Variants in GNB4 observed in about 807,000 individuals in gnomAD.
GNB4 encodes guanine nucleotide-binding protein subunit beta-4.
Under a neutral mutation model 45.2 loss-of-function variants are expected in GNB4, and 28 were observed. The observed-to-expected ratio is 0.62, with a 90% confidence interval of 0.46 to 0.85. The LOEUF (loss-of-function observed/expected upper bound fraction) is 0.85. Among genes scored for constraint, GNB4 ranks in the 40% least tolerant of loss-of-function variants. GNB4 has a pLI of 0.00. For synonymous variants in GNB4, 132 were observed against 143.7 expected (o/e 0.92, Z 0.58); for missense variants, 321 against 425.4 (o/e 0.75, Z 2.16).
Position 179,413,741 on chromosome 3 carries a change from A to T in GNB4, c.471T>A (p.Ile157=). ...AAGTTGTATCTCCTGAACTTGTAAC[A>T]ATTTGGCTGTCATCTAAAAAACGAC... The part of the protein sequence containing the change: ...SCCRFLDDSQ[I]VTSSGDTTCA... Residue 157 remains isoleucine, a synonymous_variant, in exon 7 of 10, where the codon ATT becomes ATA. Transcript: ENST00000232564. 1.2e-6 allele frequency: 2 copies of T among 1,614,232 alleles called. No homozygotes were observed. Among genetic ancestry groups the T allele is most frequent in the African/African-American group, 2.7e-5 (2 of 75,060 alleles).
At chr3:179,449,805 A>G (rs1468099319) in intron 1 of GNB4, among the ~76,000 whole-genome samples, 1 of 152,248 alleles carries the variant, frequency 6.6e-6, no homozygotes, top group Non-Finnish European at 1.5e-5. Context: ...AAGAGAAATC[A>G]CACCATCTCA....
chr3:179,525,093 AAAG>A, the GNB4 span, among the ~76,000 whole-genome samples: 2 of 152,124 alleles, frequency 1.3e-5, no homozygotes, highest in African/African-American at 2.4e-5. Context: ...GACAGGAGAG[AAAG>A]AAGAAGGATA....
intron 9 of GNB4, 45 bp downstream of exon 9, chr3:179,405,145 C>G (rs376020563): frequency 8.8e-6 from 13 of 1,478,132 alleles, no homozygotes; most frequent in Non-Finnish European, 1.2e-5. Flanking sequence ...GGAACCTCTT[C>G]ACGCTTCCTG....
the GNB4 span, among the ~76,000 whole-genome samples, chr3:179,503,042 T>C: frequency 6.6e-6 from 1 of 152,196 alleles, no homozygotes; most frequent in Non-Finnish European, 1.5e-5. Flanking sequence ...CTCTGTTGCC[T>C]AGACTGCTCT....
chr3:179,434,706 G>A (rs577478365), intron 1 of GNB4, among the ~76,000 whole-genome samples: 3 of 150,388 alleles, frequency 2.0e-5, no homozygotes, highest in South Asian at 4.2e-4. Flanking sequence ...GGGCAACAGA[G>A]CAAAACTCTG....
Position 179,440,880 on chromosome 3 carries a change from T to TAGAGAGAGAGAGAGAGAGAG in GNB4, c.-43+10446_-43+10465dup, listed in dbSNP as rs141411562. 4.7e-3 allele frequency among the ~76,000 whole-genome samples: 695 copies of TAGAGAGAGAGAGAGAGAGAG among 149,098 alleles called. 7 individuals are homozygous for TAGAGAGAGAGAGAGAGAGAG. The highest frequency in any genetic ancestry group is 0.017 in the African/African-American group (671 of 40,544). On this transcript the variant is annotated intron_variant, in intron 1 of 9. Coordinates refer to ENST00000232564, the MANE Select transcript of GNB4 (RefSeq NM_021629.4). The stretch of plus-strand genomic sequence containing the variant: ...AAAAATTCCTATATATATAGATAGA[T>TAGAGAGAGAGAGAGAGAGAG]AGAGAGAGAGAGAGAGAGAGAGATA...
rs1231962770 is a variant in GNB4, at chr3:179,397,224, A to G, written c.*3989T>C. ...CAAGTATTCAATTGTGTTACAACTT[A>G]GATCTGAGACATTTACATCAAAGCA... On this transcript the variant is annotated 3_prime_UTR_variant, in exon 10 of 10. Transcript: ENST00000232564. 6.6e-6 allele frequency: 1 copy of G among 152,248 alleles called. No individual in the cohort carries two copies. The highest frequency in any genetic ancestry group is 1.5e-5 in the Non-Finnish European group (1 of 68,052). The allele number at this position is 152,248 out of a possible 1,614,324, so 9.4% of individuals were successfully genotyped here.
chr3:179,508,786 G>A, the GNB4 span, among the ~76,000 whole-genome samples: 35 of 151,844 alleles, frequency 2.3e-4, no homozygotes, highest in South Asian at 7.1e-3. Flanking sequence ...GACAAATAGA[G>A]CTGCAAAGAA....
At chr3:179,468,031 T>TTTAAAAA in the GNB4 span, among the ~76,000 whole-genome samples, 4 of 67,314 alleles carry the variant, frequency 5.9e-5, no homozygotes, top group African/African-American at 1.8e-4. Context: ...ATTTTGTTGA[T>TTTAAAAA]AAAAATATAT....
chr3:179,482,660 T>C, the GNB4 span, among the ~76,000 whole-genome samples: 1 of 152,212 alleles, frequency 6.6e-6, no homozygotes, highest in Non-Finnish European at 1.5e-5. Flanking sequence ...CCACCTCTAC[T>C]GCCTGTCATC....
chr3:179,525,119 C>A, the GNB4 span, among the ~76,000 whole-genome samples: 3 of 152,072 alleles, frequency 2.0e-5, no homozygotes, highest in African/African-American at 4.8e-5. Flanking sequence ...GGGTGAGTCG[C>A]ATTAGGAGCA....
the GNB4 span, among the ~76,000 whole-genome samples, chr3:179,486,709 C>T: frequency 6.6e-6 from 1 of 152,138 alleles, no homozygotes; most frequent in South Asian, 2.1e-4. Context: ...TTGACACTGG[C>T]CAGCCCATTT....
the GNB4 span, among the ~76,000 whole-genome samples, chr3:179,506,391 A>C: frequency 6.6e-6 from 1 of 152,166 alleles, no homozygotes; most frequent in Non-Finnish European, 1.5e-5. Context: ...CACTAGCAGT[A>C]TTTATCTTTG....
the GNB4 span, among the ~76,000 whole-genome samples, chr3:179,467,207 C>T: frequency 6.6e-6 from 1 of 152,156 alleles, no homozygotes; most frequent in East Asian, 1.9e-4. Flanking sequence ...TAGAGATGGG[C>T]TCACTATGTT....
chr3:179,480,875 G>A, the GNB4 span, among the ~76,000 whole-genome samples: 13,804 of 138,952 alleles, frequency 0.099, 1,238 homozygotes, highest in African/African-American at 0.25. Flanking sequence ...TTTTTGAGAC[G>A]GAGTCTTGCT....
intron 5 of GNB4, 114 bp from the exon 6 acceptor site, chr3:179,415,161 G>C (rs1714760822): frequency 1.3e-6 from 1 of 760,558 alleles, no homozygotes. Context: ...AGAAAGATAA[G>C]TCAAATAAAA....
intron 7 of GNB4, 45 bp downstream of exon 7, chr3:179,413,670 A>G (rs1358367579): frequency 1.9e-6 from 3 of 1,610,542 alleles, no homozygotes; most frequent in Non-Finnish European, 2.5e-6. Flanking sequence ...AGTTCCTGCT[A>G]CCACCCTCAA....
the GNB4 span, among the ~76,000 whole-genome samples, chr3:179,523,743 C>T: frequency 3.3e-5 from 5 of 151,438 alleles, no homozygotes; most frequent in Non-Finnish European, 7.4e-5. Flanking sequence ...TTGGTTGCCA[C>T]GGAGGGAGTA....
Position 179,414,922 on chromosome 3 carries a change from T to C in GNB4, c.393A>G (p.Gly131=). 6.2e-7 allele frequency: 1 copy of C among 1,604,314 alleles called. No homozygotes were observed. Among genetic ancestry groups the C allele is most frequent in the Non-Finnish European group, 8.5e-7 (1 of 1,173,024 alleles). The change falls in exon 6 of 10, where the codon GGA becomes GGG. Residue 131 remains glycine (G), a synonymous_variant. Coordinates refer to ENST00000232564, the MANE Select transcript of GNB4 (RefSeq NM_021629.4). ...CSIYNLKTRE[G]NVRVSRELPG... is the part of the protein sequence containing the mutation. ...GCAACTCTCGGCTTACTCTCACATT[T>C]CCCTCTCTGGTCTTTAAGTTATATA...
Sources: gnomAD v4.1 joint callset for allele counts (sites outside exome capture counted in the v4.1 genomes callset) on GRCh38, gnomAD v4.1.1 for gene constraint, MANE v1.5 for transcripts, NCBI Gene and HGNC (gene_info 2026-07-23, HGNC 2026-07-21) for gene names.